The following ACSM3 variants were observed in gnomAD, a reference collection of about 807,000 sequenced individuals.
ACSM3 encodes the protein acyl-CoA synthetase medium chain family member 3.
ACSM3 carries 61 observed loss-of-function variants against 74.1 expected under a neutral mutation model. The observed-to-expected ratio is 0.82, with a 90% CI of 0.67 to 1.02. The LOEUF is 1.02. Among genes scored for constraint, ACSM3 ranks in the 50% least tolerant of loss-of-function variants. The pLI, the probability that ACSM3 is intolerant of heterozygous loss-of-function variation, is 0.00. For synonymous variants in ACSM3, 213 were observed against 241.5 expected (o/e 0.88, Z 1.09); for missense variants, 660 against 697.0 (o/e 0.95, Z 0.60).
chr16:20,795,020 T>G (rs576357238), intron 12 of ACSM3, among the ~76,000 whole-genome samples: 1 of 152,244 alleles, frequency 6.6e-6, no homozygotes, highest in African/African-American at 2.4e-5. Flanking sequence ...ACAAGCATAA[T>G]TTTTTAATTT....
chr16:20,768,126 T>TG lies in ACSM3; in HGVS notation c.-51-1856dup, dbSNP rs573526628. Among the ~76,000 whole-genome samples the TG allele has an allele frequency of 9.1e-4, 139 of 152,320 alleles. 4 individuals are homozygous for TG. The South Asian group carries it at 0.028, about 31-fold the overall frequency. On this transcript the variant is annotated intron_variant, in intron 1 of 13. Transcript: ENST00000289416. ...CTATTCTAGTAGAGAGTAATATGCT[T>TG]GGCACCATGATAAGCATTTTGCATA... is the stretch of plus-strand genomic sequence containing the variant.
chr16:20,775,622 C>T (rs1228497118), intron 2 of ACSM3, among the ~76,000 whole-genome samples: 1 of 152,118 alleles, frequency 6.6e-6, no homozygotes, highest in Admixed American at 6.5e-5. Context: ...ATGTTATCTG[C>T]TTACTGTCTT....
chr16:20,744,474 T>C lies in ACSM3; in HGVS notation c.-189-5436T>C, dbSNP rs147286291. On this transcript the variant is annotated intron_variant, in intron 1 of 3. Coordinates refer to the ACSM3 transcript ENST00000561584. ...GTCTCGGCTCACTGCAACGTCCACTTACTGGGTTCAAGCGATTCTCCTGCC... is the reference window on the plus strand; with the variant it reads ...GTCTCGGCTCACTGCAACGTCCACTCACTGGGTTCAAGCGATTCTCCTGCC... Among the ~76,000 whole-genome samples, 614 of 152,336 alleles carry C rather than the reference T, an allele frequency of 4.0e-3. 3 individuals are homozygous for C. The highest frequency in any genetic ancestry group is 0.017 in the Middle Eastern group (5 of 294).
chr16:20,739,978 T>C (rs569271264), intron 1 of ACSM3, among the ~76,000 whole-genome samples: 1 of 152,324 alleles, frequency 6.6e-6, no homozygotes, highest in East Asian at 1.9e-4. Context: ...CCTTAACACG[T>C]TGACCAGGTA....
intron 1 of ACSM3, chr16:20,741,993 G>C: frequency 2.7e-6 from 4 of 1,507,332 alleles, no homozygotes; most frequent in Non-Finnish European, 3.5e-6. Context: ...CAGCATAGCA[G>C]CCATTCTGGA....
At chr16:20,680,554 C>A (rs1300076867) in intron 1 of ACSM3, 3 of 152,232 alleles carry the variant, frequency 2.0e-5, no homozygotes, top group Non-Finnish European at 4.4e-5. Context: ...TGCCAGTGAA[C>A]CAACAGCCTC....
chr16:20,683,834 C>T (rs928171558), intron 1 of ACSM3, among the ~76,000 whole-genome samples: 2 of 151,972 alleles, frequency 1.3e-5, no homozygotes, highest in Non-Finnish European at 2.9e-5. Context: ...TCCCAAAGTG[C>T]TGGTATTATA....
chr16:20,682,296 G>A, intron 1 of ACSM3: 1 of 1,613,780 alleles, frequency 6.2e-7, no homozygotes. Context: ...TCACGGCTGT[G>A]ATCAGACACC....
chr16:20,694,091 A>G (rs4374163), intron 1 of ACSM3, among the ~76,000 whole-genome samples: 64,860 of 152,184 alleles, frequency 0.43, 16,366 homozygotes, highest in Non-Finnish European at 0.58. Flanking sequence ...CCTCTTGCTT[A>G]TTTAAAAGTG....
At chr16:20,700,967 A>G (rs1038452535) in intron 1 of ACSM3, among the ~76,000 whole-genome samples, 5 of 152,136 alleles carry the variant, frequency 3.3e-5, no homozygotes, top group African/African-American at 1.2e-4. Context: ...GAGTTATGGC[A>G]CTGGAGATGG....
At chr16:20,692,491 C>A (rs151308) in intron 1 of ACSM3, among the ~76,000 whole-genome samples, 1,861 of 152,100 alleles carry the variant, frequency 0.012, 39 homozygotes, top group African/African-American at 0.042. Flanking sequence ...TTGTGGAGAC[C>A]AAGTTTTATT....
intron 1 of ACSM3, among the ~76,000 whole-genome samples, chr16:20,675,847 A>G (rs1325545709): frequency 2.0e-5 from 3 of 152,260 alleles, no homozygotes; most frequent in Non-Finnish European, 4.4e-5. Context: ...TCACACCCAG[A>G]GAAACCAGCT....
intron 1 of ACSM3, among the ~76,000 whole-genome samples, chr16:20,714,701 G>C (rs1018712240): frequency 6.6e-6 from 1 of 152,170 alleles, no homozygotes; most frequent in Non-Finnish European, 1.5e-5. Context: ...TGGAGAGAGA[G>C]AGAGAGACAG....
intron 1 of ACSM3, among the ~76,000 whole-genome samples, chr16:20,747,240 T>G (rs1182860405): frequency 6.6e-6 from 1 of 152,074 alleles, no homozygotes; most frequent in African/African-American, 2.4e-5. Flanking sequence ...AAAAACAAGT[T>G]TTTCTTCTCT....
At chr16:20,708,753 A>G (rs927171511) in intron 1 of ACSM3, among the ~76,000 whole-genome samples, 10 of 152,244 alleles carry the variant, frequency 6.6e-5, no homozygotes, top group Admixed American at 5.9e-4. Flanking sequence ...TTTAACAAAA[A>G]TAGAAAAAAA....
intron 1 of ACSM3, among the ~76,000 whole-genome samples, chr16:20,732,167 T>C (rs1424940123): frequency 6.6e-6 from 1 of 152,180 alleles, no homozygotes; most frequent in African/African-American, 2.4e-5. Context: ...CATGAAATCT[T>C]TCCTGAAACT....
intron 1 of ACSM3, among the ~76,000 whole-genome samples, chr16:20,741,329 A>G (rs1011529333): frequency 7.2e-5 from 11 of 152,220 alleles, no homozygotes; most frequent in African/African-American, 2.7e-4. Context: ...CAAAACCGAT[A>G]GCACCGAAGT....
chr16:20,714,810 A>T (rs1815579662), intron 1 of ACSM3, among the ~76,000 whole-genome samples: 1 of 152,182 alleles, frequency 6.6e-6, no homozygotes, highest in Non-Finnish European at 1.5e-5. Flanking sequence ...AGTCTCAGGA[A>T]CAAGAGGCAA....
intron 1 of ACSM3, chr16:20,676,244 C>T (rs9937963): frequency 0.092 from 13,931 of 152,246 alleles, 722 homozygotes; most frequent in East Asian, 0.2. Flanking sequence ...GACAAGAGGA[C>T]ACCCACTAGG....
Sources: allele counts gnomAD v4.1 joint callset (sites outside exome capture counted in the v4.1 genomes callset), GRCh38; gene constraint gnomAD v4.1.1; transcripts MANE v1.5; gene names NCBI Gene and HGNC (gene_info 2026-07-23, HGNC 2026-07-21).